The following APOO variants were observed in gnomAD, a reference collection of about 807,000 sequenced individuals.
The protein encoded by APOO is apolipoprotein O.
APOO carries 11 observed loss-of-function variants against 23.1 expected under a neutral mutation model. The observed-to-expected ratio is 0.48, with a 90% confidence interval of 0.30 to 0.79. The LOEUF (loss-of-function observed/expected upper bound fraction) is 0.79. Among genes scored for constraint, APOO ranks in the 30% least tolerant of loss-of-function variants. APOO has a pLI of 0.07. For synonymous variants in APOO, 59 were observed against 54.8 expected (o/e 1.08, Z -0.34); for missense variants, 160 against 142.7 (o/e 1.12, Z -0.62).
At chrX:23,879,737 T>C (rs950440058) in intron 2 of APOO, among the ~76,000 whole-genome samples, 1 of 112,161 alleles carries the variant, frequency 8.9e-6, no homozygotes, top group East Asian at 2.8e-4. Flanking sequence ...CCAAAGGGCA[T>C]GTCATTCAGT....
intron 4 of APOO, among the ~76,000 whole-genome samples, chrX:23,872,608 G>A (rs901244084): frequency 9.4e-6 from 1 of 106,340 alleles, no homozygotes; most frequent in Non-Finnish European, 1.9e-5. Flanking sequence ...TTTTGGTTCA[G>A]GCATACAATG....
intron 8 of APOO, among the ~76,000 whole-genome samples, chrX:23,838,577 T>C (rs6526351): frequency 0.48 from 49,672 of 102,823 alleles, 12,151 homozygotes; most frequent in African/African-American, 0.88. Flanking sequence ...CCACCATGCC[T>C]GGCTTTTTTT....
chrX:23,897,154 GA>G (rs1015693068), intron 1 of APOO, among the ~76,000 whole-genome samples: 1 of 111,865 alleles, frequency 8.9e-6, no homozygotes, highest in Non-Finnish European at 1.9e-5. Flanking sequence ...TTTTCTCACA[GA>G]AAACCAAGTT....
At chrX:23,849,354 A>G (rs1924413307) in intron 7 of APOO, among the ~76,000 whole-genome samples, 1 of 108,749 alleles carries the variant, frequency 9.2e-6, no homozygotes, top group South Asian at 4.1e-4. Flanking sequence ...GTGGATCTAG[A>G]GCATTGCCAA....
chrX:23,876,704 C>T (rs1300734618), intron 3 of APOO, among the ~76,000 whole-genome samples: 1 of 111,375 alleles, frequency 9.0e-6, no homozygotes, highest in Admixed American at 9.6e-5. Context: ...GAAGCTGAGG[C>T]AGGAGAATCA....
chrX:23,841,487 A>T (rs1184131074), intron 7 of APOO, among the ~76,000 whole-genome samples: 2 of 74,999 alleles, frequency 2.7e-5, no homozygotes, highest in African/African-American at 6.5e-5. Context: ...AAAGAAGTTT[A>T]AAAAAAAAAA....
chrX:23,883,364 GAAGAA>G (rs1926230059), intron 1 of APOO: 1 of 111,683 alleles, frequency 9.0e-6, no homozygotes, highest in Non-Finnish European at 1.9e-5. Context: ...CATACCAGCA[GAAGAA>G]CACAGTGACA....
chrX:23,898,370 T>G (rs766942230), intron 1 of APOO, among the ~76,000 whole-genome samples: 4 of 110,949 alleles, frequency 3.6e-5, no homozygotes, highest in Non-Finnish European at 5.7e-5. Flanking sequence ...CCCAAAGTGC[T>G]GGGATTACAG....
chrX:23,896,902 A>C (rs1301421977), intron 1 of APOO, among the ~76,000 whole-genome samples: 1 of 108,997 alleles, frequency 9.2e-6, no homozygotes, highest in Admixed American at 9.9e-5. Context: ...TTGGCCTCCC[A>C]AAGCGCTGGG....
At chrX:23,842,098 C>T (rs1924010195) in intron 7 of APOO, among the ~76,000 whole-genome samples, 1 of 111,495 alleles carries the variant, frequency 9.0e-6, no homozygotes, top group South Asian at 3.7e-4. Context: ...GTTGCATAAA[C>T]AAATGGAAAG....
chrX:23,907,252 T>C (rs1927402130), intron 1 of APOO, among the ~76,000 whole-genome samples: 1 of 95,270 alleles, frequency 1.0e-5, no homozygotes, highest in African/African-American at 3.8e-5. Flanking sequence ...GCCTCCCCCA[T>C]ACCCTGCACA....
intron 7 of APOO, among the ~76,000 whole-genome samples, chrX:23,849,583 T>TAAAAAAAAAAAAAAAAAAAAAAAAAAAAA (rs143362355): frequency 1.8e-4 from 6 of 32,595 alleles, no homozygotes; most frequent in Admixed American, 4.2e-4. Flanking sequence ...AAGAGAGACT[T>TAAAAAAAAAAAAAAAAAAAAAAAAAAAAA]AAAAAAAAAA....
Position 23,847,820 on chromosome X carries a change from T to TAC in APOO, c.562-7445_562-7444dup, listed in dbSNP as rs763172090. ...GCCTATAATTATATATATATATATATACACACACACACACATATATATCCA... is the reference window on the plus strand; with the variant it reads ...GCCTATAATTATATATATATATATATACACACACACACACACATATATATCCA... On this transcript the variant is annotated intron_variant, in intron 7 of 8. Coordinates refer to ENST00000379226, the MANE Select transcript of APOO (RefSeq NM_024122.5). Among the ~76,000 whole-genome samples, 156 of 102,285 alleles carry TAC rather than the reference T, an allele frequency of 1.5e-3. 1 individual carries two copies. Among genetic ancestry groups the TAC allele is most frequent in the Middle Eastern group, 0.01 (2 of 198 alleles). 88.8% of individuals were successfully genotyped at this position (102,285 alleles called of 115,157 possible).
chrX:23,864,185 G>C (rs765474637), intron 5 of APOO, among the ~76,000 whole-genome samples: 2 of 110,303 alleles, frequency 1.8e-5, no homozygotes, highest in South Asian at 3.9e-4. Flanking sequence ...AGTAGAGACA[G>C]GGTTTCACTA....
In APOO at chrX:23,907,685, C is replaced by A. The variant is rs1417443278; in HGVS notation, c.9+9G>T. ...CGGTGACAGCTGTGACTCGACTCCACGCTCTCACCTTGAACATGTCGCTGG... is the reference window on the plus strand; with the variant it reads ...CGGTGACAGCTGTGACTCGACTCCAAGCTCTCACCTTGAACATGTCGCTGG... On this transcript the variant is annotated intron_variant, in intron 1 of 8. Transcript: ENST00000379226. The A allele has an allele frequency of 6.1e-6, 7 of 1,156,058 alleles. No homozygotes were observed. In the African/African-American group the frequency reaches 1.3e-4, roughly 21 times the overall value.
chrX:23,849,523 T>C (rs1205508387), intron 7 of APOO, among the ~76,000 whole-genome samples: 3 of 90,496 alleles, frequency 3.3e-5, no homozygotes, highest in Non-Finnish European at 6.3e-5. Context: ...TTTTAACAGA[T>C]AAACTGTAAG....
intron 3 of APOO, among the ~76,000 whole-genome samples, chrX:23,878,383 C>T (rs1459650704): frequency 8.9e-6 from 1 of 111,867 alleles, no homozygotes; most frequent in African/African-American, 3.2e-5. Context: ...CAACAGCTGT[C>T]ACCAGGAAGC....
chrX:23,895,185 T>A (rs1190196774), intron 1 of APOO, among the ~76,000 whole-genome samples: 1 of 109,733 alleles, frequency 9.1e-6, no homozygotes, highest in African/African-American at 3.3e-5. Context: ...CACACAAAGA[T>A]GAGAAAATGG....
chrX:23,874,705 C>A (rs1164938942), intron 3 of APOO, among the ~76,000 whole-genome samples: 1 of 111,324 alleles, frequency 9.0e-6, no homozygotes, highest in Non-Finnish European at 1.9e-5. Context: ...AGAGTGGTTT[C>A]AACAATCCAG....
Sources: gnomAD v4.1 joint callset for allele counts (sites outside exome capture counted in the v4.1 genomes callset) on GRCh38, gnomAD v4.1.1 for gene constraint, MANE v1.5 for transcripts, NCBI Gene and HGNC (gene_info 2026-07-23, HGNC 2026-07-21) for gene names.